ASAP2: variants seen among roughly 807,000 people sequenced by gnomAD.
ASAP2 encodes the protein arf-GAP with SH3 domain, ANK repeat and PH domain-containing protein 2.
A neutral mutation model predicts 131.4 loss-of-function variants in ASAP2; 45 were observed. The observed-to-expected ratio is 0.34, with a 90% CI of 0.27 to 0.44. The LOEUF (loss-of-function observed/expected upper bound fraction) is 0.44. Ranked by LOEUF, ASAP2 falls within the 20% of genes least tolerant of loss-of-function variation. The probability of loss-of-function intolerance (pLI) is 1.00; values close to 1 mark genes in which losing one functional copy is unlikely to be tolerated. For synonymous variants in ASAP2, 510 were observed against 503.0 expected (o/e 1.01, Z -0.19); for missense variants, 1,011 against 1,297.0 (o/e 0.78, Z 3.39).
At chr2:9,238,722 T>A (rs935864058) in intron 1 of ASAP2, among the ~76,000 whole-genome samples, 1 of 152,106 alleles carries the variant, frequency 6.6e-6, no homozygotes, top group East Asian at 1.9e-4. Context: ...ACAATGAAAT[T>A]TACCCTAAGA....
chr2:9,229,307 G>T (rs1662991000), intron 1 of ASAP2, among the ~76,000 whole-genome samples: 1 of 152,146 alleles, frequency 6.6e-6, no homozygotes, highest in Non-Finnish European at 1.5e-5. Context: ...CCCTGGACTG[G>T]ACTTTGCTCA....
intron 1 of ASAP2, among the ~76,000 whole-genome samples, chr2:9,259,794 G>T (rs530919826): frequency 3.3e-5 from 5 of 152,342 alleles, no homozygotes; most frequent in African/African-American, 4.8e-5. Flanking sequence ...AGGCAAAGTA[G>T]CCCTGCACAT....
chr2:9,339,986 A>T (rs550186091), intron 9 of ASAP2, among the ~76,000 whole-genome samples: 93 of 152,188 alleles, frequency 6.1e-4, no homozygotes, highest in African/African-American at 2.1e-3. Flanking sequence ...CTTACAAGCC[A>T]CTTTACAGGG....
chr2:9,371,927 T>A (rs1300705223), intron 16 of ASAP2, among the ~76,000 whole-genome samples: 1 of 152,008 alleles, frequency 6.6e-6, no homozygotes, highest in African/African-American at 2.4e-5. Flanking sequence ...CCATCCTGGC[T>A]AACACGGTGA....
Position 9,207,317 on chromosome 2 carries a change from CTT to C in ASAP2, c.126+89_126+90del. ...CTCCCGCATCCGCATCCCGAGAAAA[CTT>C]TCTTTGCTCCGAAGCCGGACGCGGC... is the stretch of plus-strand genomic sequence containing the variant. On this transcript the variant is annotated intron_variant, in intron 1 of 27. Transcript: ENST00000281419. This position sits in a 1 kb window ranked among gnomAD's most constrained non-coding sequence, Gnocchi z 4.1. 7.0e-7 allele frequency: 1 copy of C among 1,426,638 alleles called. No homozygotes were observed. Among genetic ancestry groups the C allele is most frequent in the Non-Finnish European group, 9.2e-7 (1 of 1,089,746 alleles). The allele number at this position is 1,426,638 out of a possible 1,614,324, so 88.4% of individuals were successfully genotyped here.
rs193125031 is a variant in ASAP2 at position 9,271,352 on chromosome 2, A to T, written c.127-7965A>T. 177 of 1,163,218 alleles carry T rather than the reference A, an allele frequency of 1.5e-4. No individual in the cohort carries two copies. The African/African-American group carries it at 2.5e-3, about 16-fold the overall frequency. The allele number at this position is 1,163,218 out of a possible 1,614,324, so 72.1% of individuals were successfully genotyped here. On this transcript the variant is annotated intron_variant, in intron 1 of 27. Transcript: ENST00000281419. ...AAGCTCTACGAGGAACTGGCATAAT[A>T]TATGTTCTTGCACCTGTCACCCTGT...
At chr2:9,315,066 A>C (rs1036723583) in intron 3 of ASAP2, among the ~76,000 whole-genome samples, 7 of 152,182 alleles carry the variant, frequency 4.6e-5, no homozygotes, top group Non-Finnish European at 5.9e-5. Context: ...CAGCAGGGAT[A>C]GGGAAGACGT....
At chr2:9,269,255 G>T (rs1158305534) in intron 1 of ASAP2, among the ~76,000 whole-genome samples, 2 of 151,978 alleles carry the variant, frequency 1.3e-5, no homozygotes, top group Non-Finnish European at 2.9e-5. Context: ...TATTTTGCGG[G>T]GGGGAGGGGG....
At chr2:9,267,628 T>G (rs551055427) in intron 1 of ASAP2, among the ~76,000 whole-genome samples, 1 of 152,106 alleles carries the variant, frequency 6.6e-6, no homozygotes, top group East Asian at 1.9e-4. Context: ...CACGTGCAGT[T>G]TCTCATGCCT....
intron 2 of ASAP2, among the ~76,000 whole-genome samples, chr2:9,279,618 C>T (rs1235060623): frequency 2.0e-5 from 3 of 152,176 alleles, no homozygotes; most frequent in Admixed American, 6.5e-5. Flanking sequence ...TGTCATCCTC[C>T]GTGCTGTCTG....
chr2:9,368,624 T>G, intron 16 of ASAP2, 105 bp downstream of exon 16: 1 of 881,678 alleles, frequency 1.1e-6, no homozygotes, highest in Non-Finnish European at 1.8e-6. Context: ...CATCGTTGCT[T>G]CTTTAGGGAA....
intron 2 of ASAP2, among the ~76,000 whole-genome samples, chr2:9,294,901 C>T (rs900455931): frequency 1.3e-5 from 2 of 152,162 alleles, no homozygotes; most frequent in African/African-American, 2.4e-5. Context: ...ATGGAGGTTG[C>T]GTTCCTGTTT....
chr2:9,310,378 ATCC>A (rs1669221937), intron 3 of ASAP2, among the ~76,000 whole-genome samples: 1 of 152,216 alleles, frequency 6.6e-6, no homozygotes, highest in Non-Finnish European at 1.5e-5. Flanking sequence ...AAAGCTGATT[ATCC>A]TCGAAGAGAG....
intron 3 of ASAP2, among the ~76,000 whole-genome samples, chr2:9,312,721 C>T (rs1028106546): frequency 2.4e-4 from 36 of 152,170 alleles, no homozygotes; most frequent in Non-Finnish European, 4.3e-4. Flanking sequence ...CCCATTCACC[C>T]GAGGGGAGAG....
intron 9 of ASAP2, among the ~76,000 whole-genome samples, chr2:9,340,380 C>A (rs565721171): frequency 1.3e-5 from 2 of 152,248 alleles, no homozygotes; most frequent in Admixed American, 6.5e-5. Flanking sequence ...GCTGGGCTCA[C>A]ACAGTGGCAT....
chr2:9,257,148 C>T (rs775513739), intron 1 of ASAP2, among the ~76,000 whole-genome samples: 3 of 152,208 alleles, frequency 2.0e-5, no homozygotes, highest in South Asian at 2.1e-4. Flanking sequence ...AGTGTTTACA[C>T]GTGTCGGGCA....
Position 9,344,652 on chromosome 2 carries a change from G to A in ASAP2, c.953+17G>A. 6.2e-7 allele frequency: 1 copy of A among 1,613,370 alleles called. No homozygotes were observed. Among genetic ancestry groups the A allele is most frequent in the Non-Finnish European group, 8.5e-7 (1 of 1,179,322 alleles). On this transcript the variant is annotated intron_variant, in intron 10 of 27. Coordinates refer to ENST00000281419, the MANE Select transcript of ASAP2 (RefSeq NM_003887.3). ...GAGTGACGGGTACGTGAGGGGGTGTGGCTAGAGTTTAAATGTACGTTCGTT... is the reference window on the plus strand; with the variant it reads ...GAGTGACGGGTACGTGAGGGGGTGTAGCTAGAGTTTAAATGTACGTTCGTT...
chr2:9,398,443 C>T (rs1368794899), intron 24 of ASAP2, among the ~76,000 whole-genome samples: 1 of 152,016 alleles, frequency 6.6e-6, no homozygotes, highest in Admixed American at 6.6e-5. Context: ...CCCAGGAGTT[C>T]CGAGGCTGCG....
chr2:9,234,778 A>AGGGGCCCAGCCT (rs1663425230), intron 1 of ASAP2, among the ~76,000 whole-genome samples: 1 of 152,202 alleles, frequency 6.6e-6, no homozygotes, highest in African/African-American at 2.4e-5. Flanking sequence ...GCCGATGCAC[A>AGGGGCCCAGCCT]GGGGCCCAGC....
Sources: gnomAD v4.1 joint callset for allele counts (sites outside exome capture counted in the v4.1 genomes callset) on GRCh38, gnomAD v4.1.1 for gene constraint, Gnocchi (gnomAD v3.1) non-coding constraint, MANE v1.5 for transcripts, NCBI Gene and HGNC (gene_info 2026-07-23, HGNC 2026-07-21) for gene names.